The following RBFOX1 variants were observed in gnomAD, a reference collection of about 807,000 sequenced individuals.
RBFOX1 encodes RNA binding fox-1 homolog 1, also known as RNA binding protein fox-1 homolog 1.
In RBFOX1, 8 loss-of-function variants were observed where a neutral mutation model predicts 57.7. The observed-to-expected ratio is 0.14, with a 90% confidence interval of 0.08 to 0.25. RBFOX1 has a LOEUF of 0.25. Ranked by LOEUF, RBFOX1 falls within the 10% of genes least tolerant of loss-of-function variation. The pLI is 1.00. For synonymous variants in RBFOX1, 326 were observed against 222.4 expected, an observed-to-expected ratio of 1.47 and a Z score of -4.15; for missense variants, 611 against 548.5, an observed-to-expected ratio of 1.11 and a Z score of -1.14.
chr16:5,503,916 G>C (rs1437878434), intron 2 of RBFOX1, among the ~76,000 whole-genome samples: 1 of 152,108 alleles, frequency 6.6e-6, no homozygotes, highest in Non-Finnish European at 1.5e-5. Flanking sequence ...CTACAGATTT[G>C]CCTGTTGTGG....
At position 7,511,683 on chromosome 16, in the gene RBFOX1, A is replaced by C. The variant is rs78722956; in HGVS notation, c.28-6464A>C. 8.7e-3 allele frequency among the ~76,000 whole-genome samples: 1,318 copies of C among 152,246 alleles called. 18 individuals are homozygous for C. The highest frequency in any genetic ancestry group is 0.03 in the African/African-American group (1,249 of 41,530). Reference sequence around the variant, plus strand: ...TTTAATAATCCTTTTGCTCTTGGTAACTGGAGTGAAAGCTACACGTTGGGG... The same window carrying C: ...TTTAATAATCCTTTTGCTCTTGGTACCTGGAGTGAAAGCTACACGTTGGGG... On this transcript the variant is annotated intron_variant, in intron 4 of 15. Coordinates refer to ENST00000550418, the MANE Select transcript of RBFOX1 (RefSeq NM_018723.4).
chr16:5,432,602 A>G (rs531333761), intron 1 of RBFOX1, among the ~76,000 whole-genome samples: 102 of 136,106 alleles, frequency 7.5e-4, no homozygotes, highest in Non-Finnish European at 1.3e-3. Flanking sequence ...CCTCTCTAGC[A>G]AAAATAAATG....
intron 4 of RBFOX1, among the ~76,000 whole-genome samples, chr16:7,238,634 CT>C (rs2093898600): frequency 6.6e-6 from 1 of 152,144 alleles, no homozygotes; most frequent in South Asian, 2.1e-4. Context: ...TTCTTTCTCT[CT>C]TTTTTTGTAA....
At chr16:6,106,508 T>C (rs1258550631) in intron 1 of RBFOX1, among the ~76,000 whole-genome samples, 1 of 142,196 alleles carries the variant, frequency 7.0e-6, no homozygotes, top group African/African-American at 2.7e-5. Flanking sequence ...CTCTTATAAA[T>C]AAAGAATAGT....
upstream of RBFOX1, among the ~76,000 whole-genome samples, chr16:6,018,860 C>T (rs1029692557): frequency 6.6e-6 from 1 of 151,932 alleles, no homozygotes; most frequent in African/African-American, 2.4e-5. Context: ...GGGCTCATTG[C>T]CCCAGCATCC....
chr16:6,470,801 T>G (rs939947709), intron 2 of RBFOX1, among the ~76,000 whole-genome samples: 4 of 152,184 alleles, frequency 2.6e-5, no homozygotes, highest in African/African-American at 9.6e-5. Flanking sequence ...ATCCTTTTTT[T>G]AACACCTCCA....
chr16:7,333,592 A>G (rs534252915), intron 4 of RBFOX1, among the ~76,000 whole-genome samples: 8 of 152,336 alleles, frequency 5.3e-5, no homozygotes, highest in African/African-American at 1.9e-4. Context: ...GCAAGAAGGA[A>G]CACTCTATTG....
intron 1 of RBFOX1, among the ~76,000 whole-genome samples, chr16:6,281,539 A>C (rs1430559294): frequency 1.3e-5 from 2 of 152,096 alleles, no homozygotes; most frequent in Non-Finnish European, 2.9e-5. Flanking sequence ...AATTCATTGC[A>C]GGGGAGAGGA....
At chr16:7,164,750 A>G (rs2079081237) in intron 4 of RBFOX1, among the ~76,000 whole-genome samples, 1 of 152,220 alleles carries the variant, frequency 6.6e-6, no homozygotes, top group Non-Finnish European at 1.5e-5. Flanking sequence ...TTAAGGTGGT[A>G]TTATAATTTA....
chr16:6,172,881 C>T (rs1324407061), intron 1 of RBFOX1, among the ~76,000 whole-genome samples: 1 of 152,202 alleles, frequency 6.6e-6, no homozygotes, highest in Non-Finnish European at 1.5e-5. Context: ...ACTAGTCTCA[C>T]AGTGCGGGCA....
chr16:6,657,037 C>T (rs1227227974), intron 3 of RBFOX1, among the ~76,000 whole-genome samples: 2 of 109,264 alleles, frequency 1.8e-5, no homozygotes, highest in Admixed American at 9.4e-5. Context: ...CCTGTCCTCC[C>T]CTTTCCTCTC....
chr16:5,470,984 T>C (rs976208405), intron 2 of RBFOX1, among the ~76,000 whole-genome samples: 29 of 152,266 alleles, frequency 1.9e-4, no homozygotes, highest in African/African-American at 6.7e-4. Context: ...CCTAAGTAGC[T>C]GGGATGACAG....
At chr16:5,781,291 T>G (rs371379129) in intron 3 of RBFOX1, among the ~76,000 whole-genome samples, 8 of 152,154 alleles carry the variant, frequency 5.3e-5, no homozygotes, top group African/African-American at 1.7e-4. Context: ...CTTAGAAGCT[T>G]AAGGTTTATC....
intron 1 of RBFOX1, among the ~76,000 whole-genome samples, chr16:6,284,432 G>A (rs529372986): frequency 6.6e-5 from 10 of 152,238 alleles, no homozygotes; most frequent in Admixed American, 3.9e-4. Flanking sequence ...CTGCATAAAT[G>A]GAAGATGTCA....
At chr16:6,893,237 C>G (rs1464713395) in intron 3 of RBFOX1, among the ~76,000 whole-genome samples, 1 of 152,096 alleles carries the variant, frequency 6.6e-6, no homozygotes, top group Non-Finnish European at 1.5e-5. Context: ...GTGGAGGGAA[C>G]ACAGCTTCTC....
chr16:5,601,634 C>A, downstream of RBFOX1: 1 of 152,172 alleles, frequency 6.6e-6, no homozygotes, highest in East Asian at 1.9e-4. Flanking sequence ...CTTGCAGTTC[C>A]ACCCAGGATG....
chr16:6,951,971 T>G (rs1015797026), intron 3 of RBFOX1, among the ~76,000 whole-genome samples: 1 of 152,158 alleles, frequency 6.6e-6, no homozygotes, highest in Non-Finnish European at 1.5e-5. Context: ...CCTGATCTCT[T>G]GATGGGGGCA....
intron 3 of RBFOX1, among the ~76,000 whole-genome samples, chr16:7,012,065 G>A (rs902207051): frequency 7.2e-5 from 11 of 152,062 alleles, no homozygotes; most frequent in Admixed American, 7.2e-4. Flanking sequence ...ATAATAAGTG[G>A]ACTTTAGGTC....
At chr16:6,879,455 TTGTG>T (rs1394383792) in intron 3 of RBFOX1, among the ~76,000 whole-genome samples, 1 of 152,212 alleles carries the variant, frequency 6.6e-6, no homozygotes, top group East Asian at 1.9e-4. Flanking sequence ...TCTTTCATCT[TTGTG>T]TGTATCATTG....
Sources: allele counts gnomAD v4.1 joint callset (sites outside exome capture counted in the v4.1 genomes callset), GRCh38; gene constraint gnomAD v4.1.1; transcripts MANE v1.5; gene names NCBI Gene and HGNC (gene_info 2026-07-23, HGNC 2026-07-21).